The following ZNF678 variants were observed in gnomAD, a reference collection of about 807,000 sequenced individuals.
ZNF678 encodes the protein hypothetical protein MGC42493.
In ZNF678, 5 loss-of-function variants were observed where a neutral mutation model predicts 3.0. The observed-to-expected ratio is 1.69, with a 90% CI of 0.88 to 3.56. ZNF678 has a LOEUF of 3.56. Ranked by LOEUF, ZNF678 falls within the 30% of genes most tolerant of loss-of-function variation. The probability of loss-of-function intolerance (pLI) is 0.00; values close to 1 mark genes in which losing one functional copy is unlikely to be tolerated. For synonymous variants in ZNF678, 218 were observed against 199.6 expected (o/e 1.09, Z -0.78); for missense variants, 593 against 605.0 (o/e 0.98, Z 0.21).
intron 2 of ZNF678, among the ~76,000 whole-genome samples, chr1:227,648,814 A>G (rs776769408): frequency 6.6e-6 from 1 of 151,342 alleles, no homozygotes; most frequent in Non-Finnish European, 1.5e-5. Flanking sequence ...CCTGGGTGAC[A>G]GAGCGAGACT....
chr1:227,676,871 A>C (rs953016394), intron 5 of ZNF678, among the ~76,000 whole-genome samples: 4 of 152,148 alleles, frequency 2.6e-5, no homozygotes, highest in African/African-American at 9.7e-5. Context: ...TTATGGTTGC[A>C]TAGTATTCCA....
chr1:227,598,711 C>G (rs1274244576), intron 1 of ZNF678: 5 of 523,312 alleles, frequency 9.6e-6, no homozygotes, highest in Non-Finnish European at 1.8e-5. Flanking sequence ...TCCTTACTGT[C>G]TGATTCAGAT....
downstream of ZNF678, among the ~76,000 whole-genome samples, chr1:227,665,532 G>A (rs1471536060): frequency 6.6e-6 from 1 of 152,180 alleles, no homozygotes; most frequent in Non-Finnish European, 1.5e-5. Flanking sequence ...GTAGGCCGGA[G>A]GCTTAAGGTT....
intron 1 of ZNF678, among the ~76,000 whole-genome samples, chr1:227,628,413 A>G (rs551512742): frequency 2.0e-4 from 30 of 152,260 alleles, no homozygotes; most frequent in African/African-American, 7.0e-4. Flanking sequence ...TGTCCATTCT[A>G]CTAAATGGGT....
intron 1 of ZNF678, among the ~76,000 whole-genome samples, chr1:227,569,178 CAG>C (rs1379379440): frequency 1.3e-5 from 2 of 152,156 alleles, no homozygotes; most frequent in Non-Finnish European, 2.9e-5. Flanking sequence ...TTTGTAGAGA[CAG>C]GGTCTCAGTA....
downstream of ZNF678, among the ~76,000 whole-genome samples, chr1:227,666,541 T>TTG (rs202040962): frequency 4.6e-3 from 694 of 152,292 alleles, 17 homozygotes; most frequent in South Asian, 0.056. Context: ...CAGGGTAGCC[T>TTG]TGACTTGTGG....
chr1:227,594,152 C>T (rs1452668851), intron 1 of ZNF678, among the ~76,000 whole-genome samples: 2 of 152,024 alleles, frequency 1.3e-5, no homozygotes, highest in East Asian at 3.9e-4. Flanking sequence ...TCCTAAGTGC[C>T]TTTTTACTGA....
chr1:227,634,284 CT>C (rs1658621460), intron 1 of ZNF678, among the ~76,000 whole-genome samples: 1 of 152,174 alleles, frequency 6.6e-6, no homozygotes, highest in African/African-American at 2.4e-5. Flanking sequence ...TCAGGTGAGA[CT>C]CAGCACATTC....
At chr1:227,611,376 A>G (rs1453123843) in intron 1 of ZNF678, among the ~76,000 whole-genome samples, 1 of 152,220 alleles carries the variant, frequency 6.6e-6, no homozygotes, top group Non-Finnish European at 1.5e-5. Context: ...CTATATTTAG[A>G]GTAAGGAAGG....
At chr1:227,664,631 G>A (rs1414394815), downstream of ZNF678, among the ~76,000 whole-genome samples, 1 of 152,150 alleles carries the variant, frequency 6.6e-6, no homozygotes, top group Admixed American at 6.5e-5. Context: ...CCTTGGAAAA[G>A]TCAGGATATA....
chr1:227,593,009 G>C (rs368507655), intron 1 of ZNF678, among the ~76,000 whole-genome samples: 1 of 152,230 alleles, frequency 6.6e-6, no homozygotes, highest in Admixed American at 6.5e-5. Flanking sequence ...TCTCCTTGTC[G>C]TGAGAGACAC....
intron 1 of ZNF678, among the ~76,000 whole-genome samples, chr1:227,615,929 C>T (rs1558144168): frequency 1.3e-5 from 2 of 152,142 alleles, no homozygotes; most frequent in South Asian, 4.1e-4. Flanking sequence ...TTGTGATCTC[C>T]CCTAATTTTT....
chr1:227,654,432 T>C lies in ZNF678; in HGVS notation c.182T>C (p.Leu61Pro), dbSNP rs2102805299. 6.2e-7 allele frequency: 1 copy of C among 1,612,938 alleles called. No individual in the cohort carries two copies. The highest frequency in any genetic ancestry group is 1.7e-4 in the Middle Eastern group (1 of 6,050). ...VTLTRHRSWG[L>P]DNLHLVKDWR... ...CTGACAAGACATAGAAGCTGGGGCC[T>C]TGACAATTTGCACTTAGTGAAAGAC... The change falls in exon 4 of 4, where the codon CTT becomes CCT. Residue 61 changes from leucine to proline, a missense_variant. Transcript: ENST00000343776.
intron 3 of ZNF678, among the ~76,000 whole-genome samples, chr1:227,653,291 A>G (rs1659132475): frequency 2.0e-5 from 3 of 151,406 alleles, no homozygotes; most frequent in Admixed American, 6.6e-5. Flanking sequence ...ATGTATAAAC[A>G]TTTCTGTTAT....
chr1:227,634,348 A>C (rs1424730611), intron 1 of ZNF678, among the ~76,000 whole-genome samples: 2 of 152,042 alleles, frequency 1.3e-5, no homozygotes, highest in African/African-American at 2.4e-5. Flanking sequence ...GCAGAGGAAA[A>C]GGTAAAGAGG....
Position 227,655,493 on chromosome 1 carries a change from A to G in ZNF678, c.1243A>G (p.Lys415Glu), listed in dbSNP as rs778215738. The G allele has an allele frequency of 1.9e-6, 3 of 1,612,534 alleles. No individual in the cohort carries two copies. The highest frequency in any genetic ancestry group is 2.5e-6 in the Non-Finnish European group (3 of 1,179,328). The change falls in exon 4 of 4, where the codon AAA (lysine) becomes GAA (glutamate). Residue 415 changes from lysine to glutamate, a missense_variant. Coordinates refer to ENST00000343776, the MANE Select transcript of ZNF678 (RefSeq NM_001367909.1). ...ATGTGAAGAATGTGGGAAAGTTTTT[A>G]AACAGTGCTCTCACCTAACTAGCCA... ...YKCEECGKVF[K>E]QCSHLTSHKR...
chr1:227,664,715 G>A (rs550328223), downstream of ZNF678, among the ~76,000 whole-genome samples: 2 of 152,046 alleles, frequency 1.3e-5, no homozygotes, highest in Non-Finnish European at 2.9e-5. Context: ...CTAGAATGTA[G>A]GTGCCTGGTT....
rs748989917 is a variant in ZNF678 at position 227,655,812 on chromosome 1, A to T, written c.1562A>T (p.Lys521Ile). The change falls in exon 4 of 4, where the codon AAA (lysine) becomes ATA (isoleucine). Residue 521 changes from lysine (K) to isoleucine (I), a missense_variant. Coordinates refer to ENST00000343776, the MANE Select transcript of ZNF678 (RefSeq NM_001367909.1). ...YTGEEPDKCK[K>I]CGSL The stretch of plus-strand genomic sequence containing the variant: ...GGAGAGGAACCTGACAAATGTAAAA[A>T]ATGTGGCAGTCTTTAAAAACTGCTT... 5 of 1,568,112 alleles carry T rather than the reference A, an allele frequency of 3.2e-6. No individual in the cohort carries two copies. The highest frequency in any genetic ancestry group is 4.3e-6 in the Non-Finnish European group (5 of 1,161,762).
intron 1 of ZNF678, among the ~76,000 whole-genome samples, chr1:227,619,543 G>A (rs893162923): frequency 1.3e-5 from 2 of 151,836 alleles, no homozygotes; most frequent in African/African-American, 4.8e-5. Context: ...ACGGAGTCTT[G>A]CTCTGTTGCC....
Sources: allele counts gnomAD v4.1 joint callset (sites outside exome capture counted in the v4.1 genomes callset), GRCh38; gene constraint gnomAD v4.1.1; transcripts MANE v1.5; gene names NCBI Gene and HGNC (gene_info 2026-07-23, HGNC 2026-07-21).